The following ATP2B4 variants were observed in gnomAD, a reference collection of about 807,000 sequenced individuals.
ATP2B4 encodes plasma membrane calcium-transporting ATPase 4.
Under a neutral mutation model 110.3 loss-of-function variants are expected in ATP2B4, and 39 were observed. That is an observed-to-expected ratio of 0.35 (90% CI 0.27 to 0.46). The LOEUF is 0.46. Ranked by LOEUF, ATP2B4 falls within the 20% of genes least tolerant of loss-of-function variation. ATP2B4 has a pLI of 1.00. For synonymous variants in ATP2B4, 538 were observed against 571.7 expected (o/e 0.94, Z 0.84); for missense variants, 1,135 against 1,530.9 (o/e 0.74, Z 4.32).
chr1:203,695,626 G>C (rs1363143613), intron 2 of ATP2B4, among the ~76,000 whole-genome samples: 1 of 152,102 alleles, frequency 6.6e-6, no homozygotes, highest in Non-Finnish European at 1.5e-5. Context: ...CTAAGCACTA[G>C]CAAGTGAATG....
intron 2 of ATP2B4, among the ~76,000 whole-genome samples, chr1:203,688,968 C>T (rs549442135): frequency 6.6e-6 from 1 of 152,272 alleles, no homozygotes; most frequent in Admixed American, 6.5e-5. Context: ...GAGCATTTTG[C>T]ACAATGGAAT....
At chr1:203,722,284 T>C (rs1666359828) in intron 17 of ATP2B4, among the ~76,000 whole-genome samples, 194 bp from the exon 18 acceptor site, 1 of 152,128 alleles carries the variant, frequency 6.6e-6, no homozygotes, top group South Asian at 2.1e-4. Context: ...CAGTGAGCCA[T>C]GATCATGCCA....
At chr1:203,643,524 G>T (rs1663695912) in intron 1 of ATP2B4, among the ~76,000 whole-genome samples, 1 of 152,208 alleles carries the variant, frequency 6.6e-6, no homozygotes. Context: ...ACTTTAGCTG[G>T]CAAGAAGTGG....
intron 1 of ATP2B4, among the ~76,000 whole-genome samples, chr1:203,632,769 T>A (rs576487492): frequency 6.6e-6 from 1 of 152,138 alleles, no homozygotes. Flanking sequence ...GGTTGTGGTA[T>A]TTGTGTCATA....
chr1:203,727,030 T>C (rs1666543374), intron 19 of ATP2B4, among the ~76,000 whole-genome samples: 1 of 152,232 alleles, frequency 6.6e-6, no homozygotes. Context: ...TGTTTCTTCC[T>C]ACTGCGTACC....
chr1:203,711,096 T>C lies in ATP2B4; in HGVS notation c.2019T>C (p.Pro673=). ...TCGCGGTGGTGGGCATTGAGGACCCTGTGCGCCCAGAGGTGAGAGGGTGGG... is the reference window on the plus strand; with the variant it reads ...TCGCGGTGGTGGGCATTGAGGACCCCGTGCGCCCAGAGGTGAGAGGGTGGG... ...TCIAVVGIED[P]VRPEVPDAIA... Residue 673 remains proline (P), a synonymous_variant, in exon 12 of 21, where the codon CCT becomes CCC. Transcript: ENST00000357681. 6.2e-7 allele frequency: 1 copy of C among 1,614,018 alleles called. No homozygotes were observed. Among genetic ancestry groups the C allele is most frequent in the South Asian group, 1.1e-5 (1 of 91,058 alleles).
intron 12 of ATP2B4, 96 bp downstream of exon 12, chr1:203,711,204 C>A: frequency 8.8e-7 from 1 of 1,134,174 alleles, no homozygotes; most frequent in Non-Finnish European, 1.3e-6. Flanking sequence ...CTGCCTCTCA[C>A]TTAGAGGGAT....
At position 203,739,739 on chromosome 1, in the gene ATP2B4, TG is replaced by T; in HGVS notation, c.3504del (p.Leu1169TrpfsTer33). 6.2e-7 allele frequency: 1 copy of T among 1,614,194 alleles called. No individual in the cohort carries two copies. The highest frequency in any genetic ancestry group is 8.5e-7 in the Non-Finnish European group (1 of 1,180,038). On this transcript the variant is annotated frameshift_variant, in exon 21 of 21. Coordinates refer to ENST00000357681, the MANE Select transcript of ATP2B4 (RefSeq NM_001684.5). LOFTEE classifies it high-confidence loss of function. The part of the protein sequence containing the change: ...KASKFGTRVL[L>X]LDGEVTPYAN... ...TCTAAGTTTGGGACTAGGGTGCTCC[TG>T]TTGGATGGTGAGGTCACTCCATATG... is the stretch of plus-strand genomic sequence containing the variant.
In ATP2B4 at chr1:203,711,100, C is replaced by G. The variant is rs768557155; in HGVS notation, c.2023C>G (p.Arg675Gly). The G allele has an allele frequency of 6.2e-7, 1 of 1,614,008 alleles. No homozygotes were observed. Among genetic ancestry groups the G allele is most frequent in the South Asian group, 1.1e-5 (1 of 91,070 alleles). ...IAVVGIEDPV[R>G]PEVPDAIAKC... ...GGTGGTGGGCATTGAGGACCCTGTGCGCCCAGAGGTGAGAGGGTGGGAAGC... is the reference window on the plus strand; with the variant it reads ...GGTGGTGGGCATTGAGGACCCTGTGGGCCCAGAGGTGAGAGGGTGGGAAGC... Residue 675 changes from arginine (R) to glycine (G), a missense_variant, in exon 12 of 21, where the codon CGC becomes GGC. Arg to Gly is a moderately radical substitution (Grantham distance 125, BLOSUM62 -2). This residue lies in a region of ATP2B4 where 368 missense variants were observed against 455.9 expected (regional missense o/e 0.81). Coordinates refer to ENST00000357681, the MANE Select transcript of ATP2B4 (RefSeq NM_001684.5).
chr1:203,655,374 G>A (rs1188235173), intron 1 of ATP2B4, among the ~76,000 whole-genome samples: 1 of 152,092 alleles, frequency 6.6e-6, no homozygotes, highest in Non-Finnish European at 1.5e-5. Flanking sequence ...GGCCAGGCAC[G>A]GTGGCTCACG....
At position 203,657,293 on chromosome 1, in the gene ATP2B4, A is replaced by T. The variant is rs1043969287; in HGVS notation, c.-464-25449A>T. The stretch of plus-strand genomic sequence containing the variant: ...AGCCATCTCCGACAAAGCAGAGTTT[A>T]GTAACCACCCTCTTCCATGCCTTCT... On this transcript the variant is annotated intron_variant, in intron 1 of 20. Coordinates refer to ENST00000357681, the MANE Select transcript of ATP2B4 (RefSeq NM_001684.5). 1.3e-4 allele frequency: 92 copies of T among 731,380 alleles called. 1 individual carries two copies. The highest frequency in any genetic ancestry group is 2.2e-4 in the Non-Finnish European group (87 of 399,934). The allele number at this position is 731,380 out of a possible 1,614,324, so 45.3% of individuals were successfully genotyped here.
chr1:203,743,766 T>G lies in ATP2B4; in HGVS notation c.*3912T>G, dbSNP rs1345315423. 1 of 152,478 alleles carries G rather than the reference T, an allele frequency of 6.6e-6. No homozygotes were observed. Among genetic ancestry groups the G allele is most frequent in the Non-Finnish European group, 1.5e-5 (1 of 68,040 alleles). 9.4% of individuals were successfully genotyped at this position (152,478 alleles called of 1,614,324 possible). ...TGACATAAACAAACAAATGGTGATA[T>G]CAAAGCAACGTATACCCCAGTCCAG... On this transcript the variant is annotated 3_prime_UTR_variant, in exon 21 of 21. Coordinates refer to ENST00000357681, the MANE Select transcript of ATP2B4 (RefSeq NM_001684.5).
At chr1:203,719,401 T>A (rs140167007) in intron 15 of ATP2B4, among the ~76,000 whole-genome samples, 1 of 152,004 alleles carries the variant, frequency 6.6e-6, no homozygotes. Context: ...TTCTTCTGTT[T>A]GCTCCTTTAA....
intron 15 of ATP2B4, 21 bp downstream of exon 15, chr1:203,714,298 C>T (rs1666097724): frequency 6.2e-7 from 1 of 1,613,132 alleles, no homozygotes; most frequent in Non-Finnish European, 8.5e-7. Context: ...CACAGTGTCT[C>T]TCTGATTGCA....
chr1:203,723,399 T>A (rs1666395941), intron 18 of ATP2B4, among the ~76,000 whole-genome samples: 1 of 149,546 alleles, frequency 6.7e-6, no homozygotes, highest in African/African-American at 2.5e-5. Flanking sequence ...TTTGTTTTTT[T>A]TTTTTTCGTT....
chr1:203,664,080 C>G (rs138416173), intron 1 of ATP2B4, among the ~76,000 whole-genome samples: 1 of 152,182 alleles, frequency 6.6e-6, no homozygotes, highest in Non-Finnish European at 1.5e-5. Context: ...AAGATTGTTG[C>G]AAAGATCAAA....
rs1667039132 is a variant in ATP2B4 at position 203,743,867 on chromosome 1, C to G, written c.*4013C>G. ...TTTGCATTTTGATATTATTTAAGCTCTATGTACAAGGTTTTGCATGTATTT... is the reference window on the plus strand; with the variant it reads ...TTTGCATTTTGATATTATTTAAGCTGTATGTACAAGGTTTTGCATGTATTT... On this transcript the variant is annotated 3_prime_UTR_variant, in exon 21 of 21. Coordinates refer to ENST00000357681, the MANE Select transcript of ATP2B4 (RefSeq NM_001684.5). The G allele has an allele frequency of 6.6e-6, 1 of 152,306 alleles. No individual in the cohort carries two copies. The highest frequency in any genetic ancestry group is 2.4e-5 in the African/African-American group (1 of 41,362). 9.4% of individuals were successfully genotyped at this position (152,306 alleles called of 1,614,324 possible). A position where few individuals can be genotyped will look rare whatever the true frequency, so the allele number is the denominator to read the frequency against.
chr1:203,692,630 A>G (rs1261812173), intron 2 of ATP2B4, among the ~76,000 whole-genome samples: 2 of 152,208 alleles, frequency 1.3e-5, no homozygotes, highest in South Asian at 2.1e-4. Flanking sequence ...GCAAGGTGTC[A>G]TAACTCAGAC....
At chr1:203,660,157 G>T (rs1159584182) in intron 1 of ATP2B4, among the ~76,000 whole-genome samples, 1 of 151,524 alleles carries the variant, frequency 6.6e-6, no homozygotes, top group East Asian at 1.9e-4. Context: ...TCCAATCCAA[G>T]TATTTGAAAT....
Sources: allele counts gnomAD v4.1 joint callset (sites outside exome capture counted in the v4.1 genomes callset), GRCh38; gene constraint gnomAD v4.1.1; regional missense constraint gnomAD v4.1.1; transcripts MANE v1.5; gene names NCBI Gene and HGNC (gene_info 2026-07-23, HGNC 2026-07-21).